Variants in THADA observed in about 807,000 individuals in gnomAD.
THADA encodes tRNA (32-2'-O)-methyltransferase regulator THADA.
In THADA, 213 loss-of-function variants were observed where a neutral mutation model predicts 219.8. The ratio of observed to expected loss-of-function variants is 0.97; its 90% CI spans 0.87 to 1.09. THADA has a LOEUF of 1.09. Among genes scored for constraint, THADA ranks in the 50% least tolerant of loss-of-function variants. The pLI, the probability that THADA is intolerant of heterozygous loss-of-function variation, is 0.00. For missense variants in THADA, 2,956 were observed against 2,311.3 expected (o/e 1.28, Z -5.72); for synonymous variants, 1,018 against 828.9 (o/e 1.23, Z -3.92).
chr2:43,523,801 A>G (rs1450750046), intron 22 of THADA, among the ~76,000 whole-genome samples: 3 of 152,324 alleles, frequency 2.0e-5, no homozygotes, highest in Admixed American at 6.5e-5. Context: ...CAAGTAAAGC[A>G]ATTCGAATAT....
intron 32 of THADA, 52 bp downstream of exon 32, chr2:43,292,782 A>T: frequency 6.4e-7 from 1 of 1,565,290 alleles, no homozygotes; most frequent in Non-Finnish European, 8.6e-7. Flanking sequence ...CCAGTGGCTC[A>T]CAAAAGAATG....
intron 17 of THADA, chr2:43,556,074 T>C: frequency 1.4e-6 from 1 of 724,512 alleles, no homozygotes; most frequent in Non-Finnish European, 1.8e-6. Flanking sequence ...AAGCACACTT[T>C]TGGTGGAGAA....
At chr2:43,237,071 CAAAAAA>C (rs35242458) in intron 36 of THADA, among the ~76,000 whole-genome samples, 1 of 78,184 alleles carries the variant, frequency 1.3e-5, no homozygotes, top group Non-Finnish European at 2.7e-5. Context: ...GACTCTGTCT[CAAAAAA>C]AAAAAAAAAA....
chr2:43,350,482 G>C (rs1226765895), intron 29 of THADA, among the ~76,000 whole-genome samples: 3 of 152,224 alleles, frequency 2.0e-5, no homozygotes, highest in Admixed American at 6.5e-5. Flanking sequence ...TTCCGCTTCA[G>C]GCATATTAAC....
chr2:43,363,521 T>C (rs1419475135), intron 29 of THADA, among the ~76,000 whole-genome samples: 2 of 152,230 alleles, frequency 1.3e-5, no homozygotes, highest in African/African-American at 4.8e-5. Flanking sequence ...AAACTTTGTT[T>C]ATTCAAAAGC....
chr2:43,498,999 G>A, intron 24 of THADA, 44 bp from the exon 25 acceptor site: 2 of 1,539,280 alleles, frequency 1.3e-6, no homozygotes, highest in Non-Finnish European at 1.8e-6. Context: ...GAAAACCATG[G>A]CTAATTCTAA....
chr2:43,285,122 G>T (rs1673833284), intron 35 of THADA, among the ~76,000 whole-genome samples: 1 of 152,200 alleles, frequency 6.6e-6, no homozygotes, highest in African/African-American at 2.4e-5. Flanking sequence ...TTGGACTGTG[G>T]ACTTTTGAGC....
rs566091516 is a variant in THADA at position 43,544,334 on chromosome 2, C to G, written c.3107-3018G>C. ...GATGCCTCCAGCTTTGTTCTTTTGG[C>G]TTAGGATTGACTTGGCAATGCGGGC... On this transcript the variant is annotated intron_variant, in intron 20 of 37. Transcript: ENST00000405975. Among the ~76,000 whole-genome samples the G allele has an allele frequency of 3.3e-5, 5 of 152,284 alleles. No homozygotes were observed. The South Asian group carries it at 1.0e-3, about 32-fold the overall frequency.
intron 8 of THADA, among the ~76,000 whole-genome samples, chr2:43,579,354 G>C (rs974382521): frequency 2.6e-5 from 4 of 152,178 alleles, no homozygotes; most frequent in Non-Finnish European, 4.4e-5. Context: ...ATGTAGGTAA[G>C]TGCTAATTAC....
chr2:43,418,336 G>A lies in THADA; in HGVS notation c.4058+9764C>T, dbSNP rs142755904. Reference sequence around the variant, plus strand: ...CAAATCATTTCAAGCTTACTGGAGCGCTTTCAGAAGTCAGTGATTTTTTAA... The same window carrying A: ...CAAATCATTTCAAGCTTACTGGAGCACTTTCAGAAGTCAGTGATTTTTTAA... On this transcript the variant is annotated intron_variant, in intron 28 of 37. Coordinates refer to ENST00000405975, the MANE Select transcript of THADA (RefSeq NM_022065.5). 1.4e-4 allele frequency among the ~76,000 whole-genome samples: 22 copies of A among 152,286 alleles called. No individual in the cohort carries two copies. In the East Asian group the frequency reaches 2.5e-3, roughly 17 times the overall value.
At chr2:43,499,502 G>A (rs1277979603) in intron 24 of THADA, among the ~76,000 whole-genome samples, 7 of 151,946 alleles carry the variant, frequency 4.6e-5, no homozygotes, top group Non-Finnish European at 8.8e-5. Context: ...TCAGCCTCCC[G>A]AGTAGCTGCG....
rs763880419 is a variant in THADA at position 43,380,029 on chromosome 2, T to C, written c.4227+17942A>G. On this transcript the variant is annotated intron_variant, in intron 29 of 37. Transcript: ENST00000405975. ...AGTGGTTGCCAGAGTTTTGTGGAGA[T>C]AGGAATGCTTAGGGGAACCACAGGA... 2.0e-5 allele frequency among the ~76,000 whole-genome samples: 3 copies of C among 152,326 alleles called. No individual in the cohort carries two copies. In the South Asian group the frequency reaches 6.2e-4, roughly 32 times the overall value.
rs1381582880 is a variant in THADA at position 43,541,289 on chromosome 2, G to T, written c.3134C>A (p.Thr1045Asn). ...KGKEVKTCDVTAQMVLVCCWR... is the reference protein window; with the variant it reads ...KGKEVKTCDVNAQMVLVCCWR... ...ACAACATACCAGCACCATCTGCGCA[G>T]TTACATCACATGTTTTTACTTCTTT... The change falls in exon 21 of 38, where the codon ACT (threonine) becomes AAT (asparagine). Residue 1045 changes from threonine (T) to asparagine (N), a missense_variant. Transcript: ENST00000405975. 1 of 1,613,156 alleles carries T rather than the reference G, an allele frequency of 6.2e-7. No individual in the cohort carries two copies. The highest frequency in any genetic ancestry group is 8.5e-7 in the Non-Finnish European group (1 of 1,179,560).
intron 15 of THADA, among the ~76,000 whole-genome samples, chr2:43,561,283 T>A (rs2103943319): frequency 6.6e-6 from 1 of 152,340 alleles, no homozygotes; most frequent in Non-Finnish European, 1.5e-5. Flanking sequence ...GTGAAGAACT[T>A]TGCCTATCAA....
At chr2:43,404,055 G>A (rs1675212944) in intron 28 of THADA, among the ~76,000 whole-genome samples, 1 of 152,186 alleles carries the variant, frequency 6.6e-6, no homozygotes, top group Non-Finnish European at 1.5e-5. Flanking sequence ...TTCTATGTAT[G>A]TTTTGGCAAG....
chr2:43,552,202 A>T lies in THADA; in HGVS notation c.2810+2T>A, dbSNP rs1363620491. On this transcript the variant is annotated splice_donor_variant, in intron 18 of 37. Coordinates refer to ENST00000405975, the MANE Select transcript of THADA (RefSeq NM_022065.5). LOFTEE classifies it high-confidence loss of function. ...ACAGGAGGCAGCTGTGGAAATCCTT[A>T]CTTTAGAGATAACTTCTGCAAAGCT... is the stretch of plus-strand genomic sequence containing the variant. The T allele has an allele frequency of 1.6e-5, 25 of 1,605,458 alleles. No individual in the cohort carries two copies. Among genetic ancestry groups the T allele is most frequent in the Non-Finnish European group, 2.1e-5 (25 of 1,176,982 alleles).
intron 36 of THADA, among the ~76,000 whole-genome samples, chr2:43,250,534 T>C (rs1669710513): frequency 6.6e-6 from 1 of 152,092 alleles, no homozygotes; most frequent in Non-Finnish European, 1.5e-5. Flanking sequence ...AAATGATTAA[T>C]TTTATGTTTA....
intron 29 of THADA, among the ~76,000 whole-genome samples, chr2:43,364,750 C>G (rs770576103): frequency 6.6e-6 from 1 of 152,096 alleles, no homozygotes; most frequent in African/African-American, 2.4e-5. Flanking sequence ...TATCAAGGCC[C>G]TAGGGCAGGA....
At chr2:43,590,353 G>A (rs1232437859) in intron 4 of THADA, among the ~76,000 whole-genome samples, 3 of 152,138 alleles carry the variant, frequency 2.0e-5, no homozygotes, top group Middle Eastern at 3.2e-3. Context: ...TATTAAGCAT[G>A]TGACCTAAGA....
Sources: allele counts gnomAD v4.1 joint callset (sites outside exome capture counted in the v4.1 genomes callset), GRCh38; gene constraint gnomAD v4.1.1; transcripts MANE v1.5; gene names NCBI Gene and HGNC (gene_info 2026-07-23, HGNC 2026-07-21).